PHACTR1: variants seen among roughly 807,000 people sequenced by gnomAD.
PHACTR1 encodes phosphatase and actin regulator 1.
Under a neutral mutation model 69.2 loss-of-function variants are expected in PHACTR1, and 16 were observed. The ratio of observed to expected loss-of-function variants is 0.23; its 90% confidence interval spans 0.16 to 0.35. PHACTR1 has a LOEUF of 0.35. Ranked by LOEUF, PHACTR1 falls within the 10% of genes least tolerant of loss-of-function variation. PHACTR1 has a pLI of 1.00. For missense variants in PHACTR1, 510 were observed against 734.7 expected, an observed-to-expected ratio of 0.69 and a Z score of 3.54; for synonymous variants, 312 against 284.5, an observed-to-expected ratio of 1.10 and a Z score of -0.97.
chr6:12,924,778 A>G (rs1479553247), intron 4 of PHACTR1, among the ~76,000 whole-genome samples: 1 of 67,636 alleles, frequency 1.5e-5, no homozygotes, highest in Non-Finnish European at 3.6e-5. Context: ...CTGTCCCGGA[A>G]AAAAAAAAAA....
At chr6:12,744,751 G>A (rs1422368819) in intron 3 of PHACTR1, among the ~76,000 whole-genome samples, 2 of 152,168 alleles carry the variant, frequency 1.3e-5, no homozygotes, top group Non-Finnish European at 2.9e-5. Flanking sequence ...TGCTGATATT[G>A]TATCCAGTGA....
chr6:12,983,357 G>T (rs575443486), intron 4 of PHACTR1, among the ~76,000 whole-genome samples: 16 of 152,268 alleles, frequency 1.1e-4, no homozygotes, highest in Middle Eastern at 6.8e-3. Flanking sequence ...CCTGGGTCTT[G>T]ACAGTTATGA....
chr6:12,738,251 G>A (rs1764553624), intron 3 of PHACTR1, among the ~76,000 whole-genome samples: 2 of 152,164 alleles, frequency 1.3e-5, no homozygotes, highest in Admixed American at 6.5e-5. Flanking sequence ...ATTCTAGTCT[G>A]GGGTGCTCCA....
intron 4 of PHACTR1, among the ~76,000 whole-genome samples, chr6:12,870,532 T>C (rs1336785047): frequency 2.0e-5 from 3 of 152,178 alleles, no homozygotes; most frequent in African/African-American, 7.2e-5. Flanking sequence ...CACTGGAAAT[T>C]CCTTGGGAAT....
intron 4 of PHACTR1, among the ~76,000 whole-genome samples, chr6:12,799,286 G>C (rs1036368984): frequency 1.3e-5 from 2 of 152,268 alleles, no homozygotes; most frequent in African/African-American, 4.8e-5. Context: ...CATACATCAA[G>C]CTGGGTCACA....
intron 4 of PHACTR1, among the ~76,000 whole-genome samples, chr6:12,851,881 C>T (rs1254532314): frequency 1.3e-5 from 2 of 152,042 alleles, no homozygotes; most frequent in Non-Finnish European, 2.9e-5. Context: ...GTTACCCAGA[C>T]TGGAGTGCAG....
At chr6:13,257,566 C>T (rs941298258) in intron 10 of PHACTR1, among the ~76,000 whole-genome samples, 4 of 152,190 alleles carry the variant, frequency 2.6e-5, no homozygotes, top group African/African-American at 4.8e-5. Flanking sequence ...TGGTCTAAAT[C>T]ACAGCTCTTG....
chr6:13,236,651 A>C (rs1772037170), intron 10 of PHACTR1, among the ~76,000 whole-genome samples: 1 of 152,054 alleles, frequency 6.6e-6, no homozygotes, highest in Non-Finnish European at 1.5e-5. Context: ...CTATAAGGAC[A>C]CCAGTTATGC....
At chr6:13,071,950 C>T (rs576487447) in intron 5 of PHACTR1, among the ~76,000 whole-genome samples, 1 of 152,272 alleles carries the variant, frequency 6.6e-6, no homozygotes, top group Admixed American at 6.5e-5. Context: ...CAACTATGAA[C>T]TGTAATTCAG....
chr6:12,903,369 A>T (rs546865514), intron 4 of PHACTR1, among the ~76,000 whole-genome samples: 1 of 152,346 alleles, frequency 6.6e-6, no homozygotes, highest in Admixed American at 6.5e-5. Flanking sequence ...CCAACCTAAA[A>T]TAGCATTAGT....
chr6:13,242,298 A>G (rs1772970458), intron 10 of PHACTR1, among the ~76,000 whole-genome samples: 1 of 152,162 alleles, frequency 6.6e-6, no homozygotes, highest in Admixed American at 6.6e-5. Flanking sequence ...ATCTCACTTC[A>G]AGGGAGTGTG....
chr6:12,957,995 G>A (rs1792116595), intron 4 of PHACTR1: 1 of 985,342 alleles, frequency 1.0e-6, no homozygotes, highest in Non-Finnish European at 1.2e-6. Flanking sequence ...GACCCAGAGA[G>A]GCGGATGCAT....
At chr6:13,024,322 T>G (rs1374038968) in intron 4 of PHACTR1, among the ~76,000 whole-genome samples, 1 of 152,210 alleles carries the variant, frequency 6.6e-6, no homozygotes, top group Non-Finnish European at 1.5e-5. Flanking sequence ...GAAGTCTGTT[T>G]ATGGGCAACT....
intron 4 of PHACTR1, among the ~76,000 whole-genome samples, chr6:12,993,438 T>C (rs568969961): frequency 6.6e-6 from 1 of 152,332 alleles, no homozygotes; most frequent in South Asian, 2.1e-4. Flanking sequence ...CATAATAGAC[T>C]GAACTGACTT....
chr6:12,954,157 G>A (rs991163523), intron 4 of PHACTR1, among the ~76,000 whole-genome samples: 3 of 152,036 alleles, frequency 2.0e-5, no homozygotes, highest in African/African-American at 7.3e-5. Context: ...AACAAAGGCA[G>A]GGAGACCGAG....
chr6:12,829,964 A>AAGAGAGAGAGAGAGAGAGAGAGAG (rs149861206), intron 4 of PHACTR1, among the ~76,000 whole-genome samples: 2 of 99,942 alleles, frequency 2.0e-5, no homozygotes, highest in African/African-American at 4.4e-5. Context: ...TCAAGAAAGA[A>AAGAGAGAGAGAGAGAGAGAGAGAG]AGAGAGAGAG....
At chr6:13,048,540 G>GTGTGTGTGTGTA (rs1291912000) in intron 4 of PHACTR1, among the ~76,000 whole-genome samples, 2 of 151,748 alleles carry the variant, frequency 1.3e-5, no homozygotes, top group Non-Finnish European at 2.9e-5. Flanking sequence ...GTGTGTGTGT[G>GTGTGTGTGTGTA]TGTGTGTGTG....
intron 3 of PHACTR1, among the ~76,000 whole-genome samples, chr6:12,732,261 C>T (rs567990702): frequency 5.3e-4 from 80 of 152,214 alleles, no homozygotes; most frequent in Non-Finnish European, 9.0e-4. Context: ...TTCTTTACAA[C>T]CTGGTGAATA....
At chr6:12,982,445 C>T (rs1461540842) in intron 4 of PHACTR1, among the ~76,000 whole-genome samples, 1 of 152,188 alleles carries the variant, frequency 6.6e-6, no homozygotes. Flanking sequence ...CTTTGGGAGG[C>T]CAAGGCGGGT....
Sources: gnomAD v4.1 joint callset for allele counts (sites outside exome capture counted in the v4.1 genomes callset) on GRCh38, gnomAD v4.1.1 for gene constraint, MANE v1.5 for transcripts, NCBI Gene and HGNC (gene_info 2026-07-23, HGNC 2026-07-21) for gene names.